CCDC69: variants seen among roughly 807,000 people sequenced by gnomAD.
CCDC69 encodes the protein coiled-coil domain-containing protein 69.
CCDC69 carries 38 observed loss-of-function variants against 40.3 expected under a neutral mutation model. That is an observed-to-expected ratio of 0.94 (90% CI 0.73 to 1.24). The LOEUF is 1.24. Among genes scored for constraint, CCDC69 ranks in the 50% most tolerant of loss-of-function variants. The probability of loss-of-function intolerance (pLI) is 0.00; values close to 1 mark genes in which losing one functional copy is unlikely to be tolerated. For missense variants in CCDC69, 389 were observed against 357.9 expected (o/e 1.09, Z -0.70); for synonymous variants, 141 against 138.9 (o/e 1.02, Z -0.11).
At chr5:151,195,730 A>AAC (rs1235416141) in intron 4 of CCDC69, among the ~76,000 whole-genome samples, 2 of 150,204 alleles carry the variant, frequency 1.3e-5, no homozygotes, top group African/African-American at 4.9e-5. Context: ...AAAAAAAAAA[A>AAC]AAAAAAAAAC....
chr5:151,190,513 A>G (rs1752594268), intron 4 of CCDC69, among the ~76,000 whole-genome samples: 1 of 152,056 alleles, frequency 6.6e-6, no homozygotes, highest in Non-Finnish European at 1.5e-5. Context: ...CCAAAATACA[A>G]AAATTGGCTG....
chr5:151,214,690 G>A (rs190419079), intron 1 of CCDC69, among the ~76,000 whole-genome samples: 92 of 152,298 alleles, frequency 6.0e-4, no homozygotes, highest in African/African-American at 2.1e-3. Context: ...CTGCACCGGG[G>A]ACACGGCCTA....
chr5:151,199,052 G>A lies in CCDC69; in HGVS notation c.264C>T (p.Asp88=), dbSNP rs183989777. The A allele has an allele frequency of 1.7e-5, 28 of 1,614,080 alleles. No individual in the cohort carries two copies. Among genetic ancestry groups the A allele is most frequent in the Non-Finnish European group, 2.3e-5 (27 of 1,179,990 alleles). The change falls in exon 4 of 9, where the codon GAC becomes GAT. Residue 88 remains aspartate (D), a synonymous_variant. Transcript: ENST00000355417. The stretch of plus-strand genomic sequence containing the variant: ...GGACCCTTTGCTGCTCATCCAGTCT[G>A]TCTCGAAGCTCTAGCTCCCTTTCCT... ...VEKERELELR[D]RLDEQQRVLE...
chr5:151,219,953 G>A (rs554480906), intron 1 of CCDC69, among the ~76,000 whole-genome samples: 1 of 151,914 alleles, frequency 6.6e-6, no homozygotes, highest in East Asian at 1.9e-4. Flanking sequence ...TATTCCTCAT[G>A]AGTAGAAATC....
rs577502917 is a variant in CCDC69 at position 151,193,529 on chromosome 5, G to GA, written c.319+5467dup. On this transcript the variant is annotated intron_variant, in intron 4 of 8. Coordinates refer to ENST00000355417, the MANE Select transcript of CCDC69 (RefSeq NM_015621.3). ...ACATCCTGTTGGAAAGAAAAGAAAA[G>GA]AAAAAAGAAGACAGGAGAGGAGAGG... Among the ~76,000 whole-genome samples, 162 of 148,880 alleles carry GA rather than the reference G, an allele frequency of 1.1e-3. 2 individuals carry two copies. The South Asian group carries it at 0.034, about 31-fold the overall frequency.
chr5:151,222,049 A>C (rs1332595656), intron 1 of CCDC69, among the ~76,000 whole-genome samples: 1 of 152,244 alleles, frequency 6.6e-6, no homozygotes, highest in Non-Finnish European at 1.5e-5. Flanking sequence ...GGAGTAAAAG[A>C]TTTTACGCTA....
chr5:151,183,660 C>T (rs1353649120), intron 8 of CCDC69, 46 bp from the exon 9 acceptor site: 3 of 1,532,024 alleles, frequency 2.0e-6, no homozygotes, highest in Non-Finnish European at 2.6e-6. Flanking sequence ...GGAGCAGCTG[C>T]CACAGAGACC....
intron 4 of CCDC69, among the ~76,000 whole-genome samples, chr5:151,191,840 T>C (rs1257359623): frequency 6.6e-6 from 1 of 151,852 alleles, no homozygotes; most frequent in African/African-American, 2.4e-5. Flanking sequence ...ATCCCAGCAC[T>C]TTGAGAGGCG....
rs894715254 is a variant in CCDC69 at position 151,212,687 on chromosome 5, G to T, written c.49-7212C>A. 6.9e-5 allele frequency: 30 copies of T among 431,742 alleles called. No homozygotes were observed. In the East Asian group the frequency reaches 2.1e-3, roughly 31 times the overall value. 26.7% of individuals were successfully genotyped at this position (431,742 alleles called of 1,614,324 possible). ...GGCTCAAAACCAAATTATAGGAGGG[G>T]CTGTTAACAGAACAAGAGTTGGTCA... On this transcript the variant is annotated intron_variant, in intron 1 of 8. Transcript: ENST00000355417.
intron 4 of CCDC69, among the ~76,000 whole-genome samples, chr5:151,189,594 T>C (rs748080288): frequency 1.3e-5 from 2 of 150,136 alleles, no homozygotes; most frequent in African/African-American, 2.4e-5. Flanking sequence ...GAAAGAATGA[T>C]TGAATATTCC....
chr5:151,213,445 G>A (rs1282624438), intron 1 of CCDC69, among the ~76,000 whole-genome samples: 2 of 151,668 alleles, frequency 1.3e-5, no homozygotes, highest in African/African-American at 2.4e-5. Context: ...GTGAAGATGG[G>A]GTTTCACCAT....
chr5:151,193,849 C>T (rs1752658499), intron 4 of CCDC69, among the ~76,000 whole-genome samples: 2 of 152,294 alleles, frequency 1.3e-5, no homozygotes, highest in African/African-American at 4.8e-5. Context: ...ATACAAAGAA[C>T]TCTTGTCCAA....
At chr5:151,223,696 C>T (rs560654879) in intron 1 of CCDC69, among the ~76,000 whole-genome samples, 155 of 152,332 alleles carry the variant, frequency 1.0e-3, no homozygotes, top group African/African-American at 3.5e-3. Context: ...CTGCCTTTCC[C>T]TGGCCCGGGT....
intron 1 of CCDC69, among the ~76,000 whole-genome samples, chr5:151,208,284 A>G (rs1752881669): frequency 6.6e-6 from 1 of 152,032 alleles, no homozygotes; most frequent in Non-Finnish European, 1.5e-5. Context: ...AAGTCAAACT[A>G]TGAAGAGGCT....
chr5:151,201,633 T>C lies in CCDC69; in HGVS notation c.180A>G (p.Ile60Met). 2 of 1,613,724 alleles carry C rather than the reference T, an allele frequency of 1.2e-6. No homozygotes were observed. The highest frequency in any genetic ancestry group is 1.7e-6 in the Non-Finnish European group (2 of 1,179,826). The change falls in exon 3 of 9, where the codon ATA (isoleucine) becomes ATG (methionine). Residue 60 changes from isoleucine to methionine, a missense_variant. Coordinates refer to ENST00000355417, the MANE Select transcript of CCDC69 (RefSeq NM_015621.3). Reference sequence around the variant, plus strand: ...CCTCATGTTGCTGGAGAATTCTGGTTATATCCTTCTGGTGCCGCTCAGCCT... The same window carrying C: ...CCTCATGTTGCTGGAGAATTCTGGTCATATCCTTCTGGTGCCGCTCAGCCT... ...SEEAERHQKD[I>M]TRILQQHEEE...
chr5:151,191,242 TA>T (rs1315891883), intron 4 of CCDC69, among the ~76,000 whole-genome samples: 2 of 152,124 alleles, frequency 1.3e-5, no homozygotes, highest in Non-Finnish European at 2.9e-5. Flanking sequence ...GATTTGCAGA[TA>T]AAGAACTGAA....
intron 2 of CCDC69, among the ~76,000 whole-genome samples, chr5:151,203,030 A>C (rs893702817): frequency 3.9e-5 from 6 of 152,058 alleles, no homozygotes; most frequent in African/African-American, 1.4e-4. Flanking sequence ...CCTCACAGCT[A>C]CCCTATAGTC....
intron 3 of CCDC69, among the ~76,000 whole-genome samples, chr5:151,200,885 C>T (rs6895991): frequency 0.31 from 47,602 of 152,066 alleles, 7,616 homozygotes; most frequent in Admixed American, 0.43. Flanking sequence ...TGTCCTTTCA[C>T]GGCACTGTAA....
intron 7 of CCDC69, 145 bp downstream of exon 7, chr5:151,185,277 G>A: frequency 1.2e-6 from 1 of 822,600 alleles, no homozygotes. Context: ...ACCATGCTCA[G>A]TGGTCAGCAC....
Sources: gnomAD v4.1 joint callset for allele counts (sites outside exome capture counted in the v4.1 genomes callset) on GRCh38, gnomAD v4.1.1 for gene constraint, MANE v1.5 for transcripts, NCBI Gene and HGNC (gene_info 2026-07-23, HGNC 2026-07-21) for gene names.